Variants in PLPP3 observed in about 807,000 individuals in gnomAD.
The protein encoded by PLPP3 is PAP2 beta.
PLPP3 carries 6 observed loss-of-function variants against 29.6 expected under a neutral mutation model. The ratio of observed to expected loss-of-function variants is 0.20; its 90% confidence interval spans 0.11 to 0.40. The LOEUF is 0.40. Among genes scored for constraint, PLPP3 ranks in the 10% least tolerant of loss-of-function variants. The pLI, the probability that PLPP3 is intolerant of heterozygous loss-of-function variation, is 1.00. For missense variants in PLPP3, 308 were observed against 407.7 expected (o/e 0.76, Z 2.11); for synonymous variants, 152 against 159.7 (o/e 0.95, Z 0.36).
At chr1:56,568,367 G>A (rs1356312939) in intron 1 of PLPP3, among the ~76,000 whole-genome samples, 1 of 152,094 alleles carries the variant, frequency 6.6e-6, no homozygotes, top group Non-Finnish European at 1.5e-5. Flanking sequence ...TTGCAACCCA[G>A]GAAAAACCCT....
intron 4 of PLPP3, among the ~76,000 whole-genome samples, chr1:56,517,952 G>A (rs893537472): frequency 6.6e-6 from 1 of 152,184 alleles, no homozygotes; most frequent in Admixed American, 6.5e-5. Context: ...CATAGCAGAG[G>A]TGAGGGCCAC....
At chr1:56,562,320 T>C (rs1646135403) in intron 1 of PLPP3, among the ~76,000 whole-genome samples, 1 of 152,150 alleles carries the variant, frequency 6.6e-6, no homozygotes. Context: ...CAGGCCTATG[T>C]GATCGGGATT....
chr1:56,526,414 C>A (rs1330896634), intron 2 of PLPP3, among the ~76,000 whole-genome samples: 1 of 152,190 alleles, frequency 6.6e-6, no homozygotes, highest in African/African-American at 2.4e-5. Flanking sequence ...AGATTAAACC[C>A]AGGTGCACTG....
chr1:56,556,940 G>GAC (rs1646080393), intron 1 of PLPP3, among the ~76,000 whole-genome samples: 2 of 121,068 alleles, frequency 1.7e-5, no homozygotes, highest in Non-Finnish European at 3.4e-5. Flanking sequence ...GAGAGAGAGA[G>GAC]AGAGAGACAG....
At chr1:56,520,278 G>T (rs1196832844) in intron 4 of PLPP3, among the ~76,000 whole-genome samples, 1 of 152,166 alleles carries the variant, frequency 6.6e-6, no homozygotes, top group Non-Finnish European at 1.5e-5. Context: ...GATACAGCCA[G>T]ATTTGATTCC....
rs1646201651 is a variant in PLPP3, at chr1:56,572,041, T to TG, written c.139+6836dup. ...CGTTTCGATCATTTCCAATCATTTC[T>TG]GGTTTTTTTTTTTTTTTTTTTTTTT... On this transcript the variant is annotated intron_variant, in intron 1 of 5. Transcript: ENST00000371250. Among the ~76,000 whole-genome samples the TG allele has an allele frequency of 2.6e-5, 3 of 113,634 alleles. No homozygotes were observed. In the Admixed American group the frequency reaches 3.4e-4, roughly 13 times the overall value. The allele number at this position is 113,634 out of a possible 152,430, so 74.5% of individuals were successfully genotyped here. A position where few individuals can be genotyped will look rare whatever the true frequency, so the allele number is the denominator to read the frequency against.
At chr1:56,519,739 T>A (rs1405690540) in intron 4 of PLPP3, among the ~76,000 whole-genome samples, 1 of 146,452 alleles carries the variant, frequency 6.8e-6, no homozygotes, top group Non-Finnish European at 1.5e-5. Flanking sequence ...ATATATGCTG[T>A]GGGTTTGTTT....
rs1218500082 is a variant in PLPP3 at position 56,579,092 on chromosome 1, T to A, written c.-76A>T. 2 of 1,550,776 alleles carry A rather than the reference T, an allele frequency of 1.3e-6. No homozygotes were observed. Among genetic ancestry groups the A allele is most frequent in the Non-Finnish European group, 1.7e-6 (2 of 1,157,454 alleles). ...GCAGCCACACACCCAGGCGCCCGGG[T>A]CGCCTCCTGGCCGAGGCTGCTGCGG... On this transcript the variant is annotated 5_prime_UTR_variant, in exon 1 of 6. Transcript: ENST00000371250.
At chr1:56,534,541 A>G (rs1348932518) in intron 2 of PLPP3, among the ~76,000 whole-genome samples, 4 of 152,098 alleles carry the variant, frequency 2.6e-5, no homozygotes, top group African/African-American at 9.7e-5. Context: ...AAGCAGCAGG[A>G]TGATGGTTCA....
In PLPP3 at chr1:56,571,680, C is replaced by T. The variant is rs191485446; in HGVS notation, c.139+7198G>A. Among the ~76,000 whole-genome samples, 349 of 152,274 alleles carry T rather than the reference C, an allele frequency of 2.3e-3. 3 individuals carry two copies. Among genetic ancestry groups the T allele is most frequent in the African/African-American group, 8.3e-3 (343 of 41,562 alleles). On this transcript the variant is annotated intron_variant, in intron 1 of 5. Transcript: ENST00000371250. ...CTGTTTTGCAATTATTTACATATTA[C>T]TCTGTCTACTCCACTGCCCAATAAT...
chr1:56,546,972 T>C (rs566863532), intron 1 of PLPP3, among the ~76,000 whole-genome samples: 3 of 152,230 alleles, frequency 2.0e-5, no homozygotes, highest in South Asian at 2.1e-4. Flanking sequence ...TTCTAAAGAA[T>C]AAAAAATAAA....
At chr1:56,570,267 A>C (rs1456631290) in intron 1 of PLPP3, among the ~76,000 whole-genome samples, 1 of 152,342 alleles carries the variant, frequency 6.6e-6, no homozygotes, top group Non-Finnish European at 1.5e-5. Context: ...CTTCGTGTCA[A>C]TGTAATAGTG....
chr1:56,496,667 C>T lies in PLPP3; in HGVS notation c.820G>A (p.Val274Met), dbSNP rs182999910. 3.7e-5 allele frequency: 60 copies of T among 1,612,494 alleles called. No homozygotes were observed. The Admixed American group carries it at 8.0e-4, about 22-fold the overall frequency. Residue 274 changes from valine (V) to methionine (M), a missense_variant, in exon 6 of 6, where the codon GTG becomes ATG. Physicochemically the swap from Val to Met is conservative, Grantham distance 21 (BLOSUM62 1). Coordinates refer to ENST00000371250, the MANE Select transcript of PLPP3 (RefSeq NM_003713.5). ...GTCTTAGTCTTGAAGAGGTCAGACA[C>T]GAAGAAAACCTAGAAGCACAAATCA... The part of the protein sequence containing the change: ...ALVACCIVFF[V>M]SDLFKTKTTL...
At chr1:56,507,125 G>T (rs1283200881) in intron 5 of PLPP3, among the ~76,000 whole-genome samples, 2 of 152,186 alleles carry the variant, frequency 1.3e-5, no homozygotes, top group East Asian at 3.8e-4. Context: ...AAGTCTGCCT[G>T]TTGTGACAGG....
At chr1:56,525,009 C>CA (rs1645844126) in intron 2 of PLPP3, among the ~76,000 whole-genome samples, 1 of 152,100 alleles carries the variant, frequency 6.6e-6, no homozygotes, top group Non-Finnish European at 1.5e-5. Flanking sequence ...AGGGCCTCAG[C>CA]CTTGTGCTGA....
intron 5 of PLPP3, among the ~76,000 whole-genome samples, chr1:56,508,169 G>A (rs972641183): frequency 6.6e-4 from 101 of 152,346 alleles, no homozygotes; most frequent in Non-Finnish European, 1.1e-3. Context: ...GGTGACACTG[G>A]AACTGTGTTC....
rs564827708 is a variant in PLPP3, at chr1:56,536,982, G to C, written c.270C>G (p.Ala90=). The change falls in exon 2 of 6, where the codon GCC becomes GCG. Residue 90 remains alanine, a synonymous_variant. Transcript: ENST00000371250. The stretch of plus-strand genomic sequence containing the variant: ...CGAGGATGGCAATGACGATCCCCAC[G>C]GCACAGAGCACAGCGTCATTTATTG... ...GETINDAVLC[A]VGIVIAILAI... is the part of the protein sequence containing the mutation. 2 of 1,613,626 alleles carry C rather than the reference G, an allele frequency of 1.2e-6. No homozygotes were observed. The highest frequency in any genetic ancestry group is 2.7e-5 in the African/African-American group (2 of 74,936).
chr1:56,536,073 G>C (rs1322025470), intron 2 of PLPP3, among the ~76,000 whole-genome samples: 1 of 152,176 alleles, frequency 6.6e-6, no homozygotes, highest in Non-Finnish European at 1.5e-5. Flanking sequence ...AGAGTGACGA[G>C]CATGTGACAT....
At chr1:56,507,158 T>TAAA (rs1645707513) in intron 5 of PLPP3, among the ~76,000 whole-genome samples, 1 of 152,188 alleles carries the variant, frequency 6.6e-6, no homozygotes, top group African/African-American at 2.4e-5. Flanking sequence ...CAGACCCAGG[T>TAAA]AAAAGTTCTC....
Sources: allele counts gnomAD v4.1 joint callset (sites outside exome capture counted in the v4.1 genomes callset), GRCh38; gene constraint gnomAD v4.1.1; transcripts MANE v1.5; gene names NCBI Gene and HGNC (gene_info 2026-07-23, HGNC 2026-07-21).